The following SRGAP1 variants were observed in gnomAD, a reference collection of about 807,000 sequenced individuals.
SRGAP1 encodes SLIT-ROBO Rho GTPase activating protein 1, also known as SLIT-ROBO Rho GTPase-activating protein 1.
A neutral mutation model predicts 121.9 loss-of-function variants in SRGAP1; 43 were observed. The observed-to-expected ratio is 0.35, with a 90% CI of 0.28 to 0.46. SRGAP1 has a LOEUF of 0.46. SRGAP1 is among the 20% of genes least tolerant of loss of function. SRGAP1 has a pLI of 1.00. For missense variants in SRGAP1, 1,102 were observed against 1,350.9 expected, an observed-to-expected ratio of 0.82 and a Z score of 2.89; for synonymous variants, 447 against 485.4, an observed-to-expected ratio of 0.92 and a Z score of 1.04.
chr12:63,972,829 T>C (rs2032994782), intron 1 of SRGAP1, among the ~76,000 whole-genome samples: 1 of 152,024 alleles, frequency 6.6e-6, no homozygotes, highest in African/African-American at 2.4e-5. Flanking sequence ...AAAATCTGAA[T>C]TTTGGAGAGT....
chr12:64,020,145 C>T (rs2034506694), intron 4 of SRGAP1, among the ~76,000 whole-genome samples: 1 of 152,160 alleles, frequency 6.6e-6, no homozygotes, highest in Non-Finnish European at 1.5e-5. Flanking sequence ...AACATTTTAT[C>T]AGAAGGCTGT....
At chr12:63,961,651 G>A (rs1220798161) in intron 1 of SRGAP1, among the ~76,000 whole-genome samples, 1 of 152,176 alleles carries the variant, frequency 6.6e-6, no homozygotes, top group Non-Finnish European at 1.5e-5. Context: ...TAGGTGCATA[G>A]CATTGTTGAA....
chr12:64,001,952 C>T (rs549356736), intron 3 of SRGAP1, among the ~76,000 whole-genome samples: 11 of 152,240 alleles, frequency 7.2e-5, no homozygotes, highest in African/African-American at 1.4e-4. Flanking sequence ...ACTGAATACC[C>T]GCAGCAGTTT....
chr12:63,870,630 C>T (rs1203570295), intron 1 of SRGAP1, among the ~76,000 whole-genome samples: 1 of 147,432 alleles, frequency 6.8e-6, no homozygotes, highest in Non-Finnish European at 1.5e-5. Flanking sequence ...ACCTCCGCTT[C>T]TGGGGTTCAA....
chr12:63,855,649 G>A (rs901214353), intron 1 of SRGAP1, among the ~76,000 whole-genome samples: 10 of 151,488 alleles, frequency 6.6e-5, no homozygotes, highest in Admixed American at 6.6e-4. Flanking sequence ...CACCACACCC[G>A]GCTGATTTTT....
chr12:64,036,434 G>A (rs2034905159), intron 4 of SRGAP1, among the ~76,000 whole-genome samples: 1 of 152,184 alleles, frequency 6.6e-6, no homozygotes, highest in South Asian at 2.1e-4. Context: ...TGTATTGATT[G>A]TAGAAAATAG....
chr12:63,958,433 C>A (rs1468222586), intron 1 of SRGAP1, among the ~76,000 whole-genome samples: 1 of 152,190 alleles, frequency 6.6e-6, no homozygotes, highest in Non-Finnish European at 1.5e-5. Context: ...CTACTAATTA[C>A]AAAATTGTCT....
intron 21 of SRGAP1, 81 bp from the exon 22 acceptor site, chr12:64,142,214 T>C (rs2036975689): frequency 6.7e-7 from 1 of 1,484,972 alleles, no homozygotes; most frequent in Non-Finnish European, 9.1e-7. Context: ...CCGTTTACTT[T>C]GAAATTAAGT....
intron 1 of SRGAP1, among the ~76,000 whole-genome samples, chr12:63,894,674 A>G (rs1592923848): frequency 6.6e-6 from 1 of 151,820 alleles, no homozygotes; most frequent in African/African-American, 2.4e-5. Flanking sequence ...TCTTGTGTCC[A>G]TGTGTTCTCA....
At chr12:63,987,346 T>TA (rs1024282610) in intron 2 of SRGAP1, among the ~76,000 whole-genome samples, 6 of 152,144 alleles carry the variant, frequency 3.9e-5, no homozygotes, top group Non-Finnish European at 8.8e-5. Context: ...TTCCCTGGAC[T>TA]AAAAAAAGAC....
At chr12:64,031,163 CAA>C (rs2034769627) in intron 4 of SRGAP1, among the ~76,000 whole-genome samples, 1 of 151,738 alleles carries the variant, frequency 6.6e-6, no homozygotes, top group South Asian at 2.1e-4. Context: ...ACTAAAAATA[CAA>C]AAGTTAGCCG....
rs916214215 is a variant in SRGAP1 at position 64,140,520 on chromosome 12, C to G, written c.2881-1775C>G. On this transcript the variant is annotated intron_variant, in intron 21 of 21. Coordinates refer to ENST00000355086, the MANE Select transcript of SRGAP1 (RefSeq NM_020762.4). ...TTTGAAGCAATTGTGAATGGGAGTTCACTCATGATTTGGCTCTCTGTTTGT... is the reference window on the plus strand; with the variant it reads ...TTTGAAGCAATTGTGAATGGGAGTTGACTCATGATTTGGCTCTCTGTTTGT... 1.4e-3 allele frequency among the ~76,000 whole-genome samples: 211 copies of G among 152,044 alleles called. 1 individual carries two copies. The highest frequency in any genetic ancestry group is 3.4e-3 in the Middle Eastern group (1 of 294).
At chr12:63,923,217 T>C (rs2031134147) in intron 1 of SRGAP1, among the ~76,000 whole-genome samples, 1 of 152,226 alleles carries the variant, frequency 6.6e-6, no homozygotes, top group Non-Finnish European at 1.5e-5. Flanking sequence ...TGCCCTAAAG[T>C]TGGATCAAAC....
At chr12:63,979,656 C>A (rs978916571) in intron 1 of SRGAP1, among the ~76,000 whole-genome samples, 2 of 152,022 alleles carry the variant, frequency 1.3e-5, no homozygotes, top group Non-Finnish European at 2.9e-5. Context: ...ACAAGAAGGA[C>A]CTGTGTCTTA....
At chr12:63,884,330 G>A (rs957066941) in intron 1 of SRGAP1, among the ~76,000 whole-genome samples, 2 of 152,092 alleles carry the variant, frequency 1.3e-5, no homozygotes, top group Non-Finnish European at 2.9e-5. Context: ...ACGTCTACAT[G>A]TCATAGTGGA....
chr12:64,067,640 G>A (rs2035563998), intron 8 of SRGAP1, among the ~76,000 whole-genome samples: 2 of 152,136 alleles, frequency 1.3e-5, no homozygotes, highest in South Asian at 4.1e-4. Flanking sequence ...TCGATAATCA[G>A]TAGATACCAT....
rs2136409783 is a variant in SRGAP1 at position 63,984,083 on chromosome 12, G to A, written c.204G>A (p.Glu68=). ...AGACGGAATATTCCCGGAATCTAGA[G>A]AAGTTAGCAGAAAGGTTCATGGCAA... ...EIETEYSRNL[E]KLAERFMAKT... is the part of the protein sequence containing the mutation. Residue 68 remains glutamate (E), a synonymous_variant, in exon 2 of 22, where the codon GAG becomes GAA. Transcript: ENST00000355086. The A allele has an allele frequency of 6.5e-7, 1 of 1,536,118 alleles. No homozygotes were observed. The highest frequency in any genetic ancestry group is 8.8e-7 in the Non-Finnish European group (1 of 1,132,876).
At chr12:63,999,497 G>A (rs868534146) in intron 3 of SRGAP1, among the ~76,000 whole-genome samples, 2 of 152,112 alleles carry the variant, frequency 1.3e-5, no homozygotes, top group African/African-American at 2.4e-5. Flanking sequence ...AGGAGCAGGT[G>A]GATTCGAGTG....
intron 1 of SRGAP1, among the ~76,000 whole-genome samples, chr12:63,861,357 T>G (rs1388737634): frequency 6.6e-6 from 1 of 150,702 alleles, no homozygotes; most frequent in African/African-American, 2.4e-5. Flanking sequence ...TGGAGTGCAG[T>G]GGCACATTCT....
Sources: gnomAD v4.1 joint callset for allele counts (sites outside exome capture counted in the v4.1 genomes callset) on GRCh38, gnomAD v4.1.1 for gene constraint, MANE v1.5 for transcripts, NCBI Gene and HGNC (gene_info 2026-07-23, HGNC 2026-07-21) for gene names.